RP1L1: variants seen among roughly 807,000 people sequenced by gnomAD.
RP1L1 encodes the protein RP1 like 1, also known as retinitis pigmentosa 1-like 1 protein.
A neutral mutation model predicts 15.7 loss-of-function variants in RP1L1; 27 were observed. The observed-to-expected ratio is 1.72, with a 90% CI of 1.27 to 2.38. RP1L1 has a LOEUF of 2.38. Among genes scored for constraint, RP1L1 ranks in the 30% most tolerant of loss-of-function variants. RP1L1 has a pLI of 0.00. For missense variants in RP1L1, 4,798 were observed against 3,075.9 expected, an observed-to-expected ratio of 1.56 and a Z score of -13.24; for synonymous variants, 1,813 against 1,276.7, an observed-to-expected ratio of 1.42 and a Z score of -8.96.
At chr8:10,621,778 A>C in intron 2 of RP1L1, 3 of 505,008 alleles carry the variant, frequency 5.9e-6, no homozygotes, top group South Asian at 4.4e-5. Context: ...AGAACCTGGA[A>C]AGGCAAAAAT....
rs1250273464 is a variant in RP1L1 at position 10,608,660 on chromosome 8, T to G, written c.5438A>C (p.Asn1813Thr). Residue 1813 changes from asparagine (N) to threonine (T), a missense_variant, in exon 4 of 4, where the codon AAC becomes ACC. By Grantham distance (65) the Asn-to-Thr change is moderately conservative. Transcript: ENST00000382483. Reference sequence around the variant, plus strand: ...TCCTGCCGCAGCTTCACCCTGCAAGTTGTCCTCATGCCCAGAGCCTTGACC... The same window carrying G: ...TCCTGCCGCAGCTTCACCCTGCAAGGTGTCCTCATGCCCAGAGCCTTGACC... ...TGGQGSGHED[N>T]LQGEAAAGGD... 1.2e-6 allele frequency: 2 copies of G among 1,614,090 alleles called. No homozygotes were observed. The highest frequency in any genetic ancestry group is 1.7e-6 in the Non-Finnish European group (2 of 1,180,042).
rs1428290950 is a variant in RP1L1, at chr8:10,608,084, G to A, written c.6014C>T (p.Ala2005Val). ...PESEDVEAPEAEGEMQEAEEE... is the reference protein window; with the variant it reads ...PESEDVEAPEVEGEMQEAEEE... ...TTCTGCCTCTTGCATCTCCCCTTCA[G>A]CCTCTGGGGCCTCTACATCTTCTGA... is the stretch of plus-strand genomic sequence containing the variant. The change falls in exon 4 of 4, where the codon GCT becomes GTT. Residue 2005 changes from alanine to valine, a missense_variant. By Grantham distance (64) the Ala-to-Val change is moderately conservative. Transcript: ENST00000382483. The A allele has an allele frequency of 1.2e-6, 2 of 1,606,400 alleles. No individual in the cohort carries two copies. The highest frequency in any genetic ancestry group is 1.1e-5 in the South Asian group (1 of 90,724).
rs1199300324 is a variant in RP1L1 at position 10,608,932 on chromosome 8, A to G, written c.5166T>C (p.Thr1722=). ...KTHTDPTSTR[T]VQGAEGGLGP... is the part of the protein sequence containing the mutation. ...CCAGCCCTCCCTCAGCTCCCTGGAC[A>G]GTCCTAGTGCTCGTGGGGTCCGTGT... The change falls in exon 4 of 4, where the codon ACT becomes ACC. Residue 1722 remains threonine (T), a synonymous_variant. Transcript: ENST00000382483. 1.2e-6 allele frequency: 2 copies of G among 1,613,922 alleles called. No individual in the cohort carries two copies. Among genetic ancestry groups the G allele is most frequent in the Admixed American group, 1.7e-5 (1 of 60,006 alleles).
intron 1 of RP1L1, among the ~76,000 whole-genome samples, chr8:10,650,203 C>G (rs754764469): frequency 2.6e-5 from 4 of 152,184 alleles, no homozygotes; most frequent in African/African-American, 4.8e-5. Flanking sequence ...ATCCCAGAGT[C>G]TCTACTCATG....
At chr8:10,623,638 T>C (rs566892660) in intron 1 of RP1L1, among the ~76,000 whole-genome samples, 1 of 150,116 alleles carries the variant, frequency 6.7e-6, no homozygotes, top group Non-Finnish European at 1.5e-5. Flanking sequence ...AGAGTCATCA[T>C]GTCCCCAGCA....
rs781768770 is a variant in RP1L1 at position 10,622,611 on chromosome 8, G to C, written c.591C>G (p.Tyr197Ter). 1 of 1,614,062 alleles carries C rather than the reference G, an allele frequency of 6.2e-7. No individual in the cohort carries two copies. Among genetic ancestry groups the C allele is most frequent in the Admixed American group, 1.7e-5 (1 of 59,988 alleles). ...AGCCTACCTTTTTCCCGCTGGTCGTGTACAACTGCTTCACAGGAAAGCGCA... is the reference window on the plus strand; with the variant it reads ...AGCCTACCTTTTTCCCGCTGGTCGTCTACAACTGCTTCACAGGAAAGCGCA... ...DLLRFPVKQL[Y>*]TTSGKKVDSL... The change falls in exon 2 of 4, where the codon TAC (tyrosine) becomes TAG (stop). Residue 197 changes from tyrosine (Y) to a stop codon, truncating the protein, a stop_gained. Transcript: ENST00000382483. LOFTEE classifies it high-confidence loss of function.
chr8:10,632,203 C>A (rs529882955), intron 1 of RP1L1, among the ~76,000 whole-genome samples: 144 of 152,274 alleles, frequency 9.5e-4, no homozygotes, highest in Non-Finnish European at 1.7e-3. Flanking sequence ...CCAGGGGCAC[C>A]AATGTCCGAC....
chr8:10,616,321 A>T (rs1021731954), intron 3 of RP1L1, 125 bp downstream of exon 3: 3 of 1,249,916 alleles, frequency 2.4e-6, no homozygotes, highest in African/African-American at 3.0e-5. Flanking sequence ...TCCCAAAATG[A>T]CTGGGATACC....
At chr8:10,628,348 T>G (rs943740007) in intron 1 of RP1L1, among the ~76,000 whole-genome samples, 1 of 152,080 alleles carries the variant, frequency 6.6e-6, no homozygotes, top group African/African-American at 2.4e-5. Context: ...CCCCTCCCTT[T>G]CAAAATGATA....
chr8:10,614,778 C>T (rs1178280518), intron 3 of RP1L1, among the ~76,000 whole-genome samples: 1 of 151,100 alleles, frequency 6.6e-6, no homozygotes, highest in East Asian at 1.9e-4. Flanking sequence ...AATTCCATCT[C>T]CTGGGGGGAG....
chr8:10,624,695 C>T (rs1382061912), intron 1 of RP1L1, among the ~76,000 whole-genome samples: 3 of 152,176 alleles, frequency 2.0e-5, no homozygotes, highest in South Asian at 2.1e-4. Flanking sequence ...AAGCTGGGAT[C>T]AGCTGCCATA....
rs1797866798 is a variant in RP1L1 at position 10,611,989 on chromosome 8, T to C, written c.2109A>G (p.Arg703=). ...TGGTGCTCGATGAGCTTCCAGAATA[T>C]CGTGGCACTGAGCCATCCTGGCAGG... ...RRACQDGSVP[R]YSGSSSSTRT... The change falls in exon 4 of 4, where the codon CGA becomes CGG. Residue 703 remains arginine, a synonymous_variant. Transcript: ENST00000382483. 6.2e-7 allele frequency: 1 copy of C among 1,613,694 alleles called. No homozygotes were observed. Among genetic ancestry groups the C allele is most frequent in the Admixed American group, 1.7e-5 (1 of 60,014 alleles).
intron 1 of RP1L1, among the ~76,000 whole-genome samples, chr8:10,646,001 G>C (rs1260859200): frequency 6.6e-6 from 1 of 152,194 alleles, no homozygotes. Flanking sequence ...CCTTCCCTCA[G>C]GACGGGCAGA....
chr8:10,645,852 C>G (rs1798469193), intron 1 of RP1L1, among the ~76,000 whole-genome samples: 1 of 151,234 alleles, frequency 6.6e-6, no homozygotes, highest in South Asian at 2.1e-4. Context: ...GCACCAGGCT[C>G]CACATGGCAT....
intron 1 of RP1L1, 63 bp from the exon 2 acceptor site, chr8:10,623,283 T>C (rs1585981420): frequency 7.8e-7 from 1 of 1,281,192 alleles, no homozygotes; most frequent in Non-Finnish European, 1.1e-6. Flanking sequence ...TTCCTGTCTC[T>C]TCCCGTCTTT....
At chr8:10,621,573 G>A (rs1798059395) in intron 2 of RP1L1, 1 of 393,826 alleles carries the variant, frequency 2.5e-6, no homozygotes, top group Admixed American at 2.8e-5. Flanking sequence ...TGATCCGCCT[G>A]CCTCAGCCTC....
chr8:10,607,837 G>A lies in RP1L1; in HGVS notation c.6261C>T (p.Ala2087=), dbSNP rs200515334. The part of the protein sequence containing the change: ...EAHPESEDVD[A]QEAEGEAQPE... The stretch of plus-strand genomic sequence containing the variant: ...GCTGGGCCTCCCCTTCTGCCTCCTG[G>A]GCATCTACATCTTCTGACTCTGGGT... The change falls in exon 4 of 4, where the codon GCC becomes GCT. Residue 2087 remains alanine, a synonymous_variant. Coordinates refer to ENST00000382483, the MANE Select transcript of RP1L1 (RefSeq NM_178857.6). 27 of 1,589,470 alleles carry A rather than the reference G, an allele frequency of 1.7e-5. No individual in the cohort carries two copies. In the Middle Eastern group the frequency reaches 5.0e-4, roughly 30 times the overall value.
intron 1 of RP1L1, among the ~76,000 whole-genome samples, chr8:10,623,688 A>C (rs538000095): frequency 6.6e-6 from 1 of 150,620 alleles, no homozygotes; most frequent in African/African-American, 2.5e-5. Context: ...TAGCACCTCC[A>C]TGTTCCCAGG....
In RP1L1 at chr8:10,613,245, C is replaced by G. The variant is rs1423028176; in HGVS notation, c.853G>C (p.Val285Leu). ...GGGTGCCTGCCAGGAGCAGGGCCCA[C>G]CGGGGGGTTGCTAGGACCAGGCCTT... ...PERPGPSNPP[V>L]GPAPGRHPQD... The change falls in exon 4 of 4, where the codon GTG (valine) becomes CTG (leucine). Residue 285 changes from valine (V) to leucine (L), a missense_variant. Val to Leu is a conservative substitution (Grantham distance 32, BLOSUM62 1). Coordinates refer to ENST00000382483, the MANE Select transcript of RP1L1 (RefSeq NM_178857.6). 1.9e-6 allele frequency: 3 copies of G among 1,612,274 alleles called. No individual in the cohort carries two copies. Among genetic ancestry groups the G allele is most frequent in the African/African-American group, 1.3e-5 (1 of 75,074 alleles).
Sources: gnomAD v4.1 joint callset for allele counts (sites outside exome capture counted in the v4.1 genomes callset) on GRCh38, gnomAD v4.1.1 for gene constraint, MANE v1.5 for transcripts, NCBI Gene and HGNC (gene_info 2026-07-23, HGNC 2026-07-21) for gene names.